Variants in MBNL2 observed in about 807,000 individuals in gnomAD.
MBNL2 encodes the protein muscleblind like splicing regulator 2.
A neutral mutation model predicts 41.9 loss-of-function variants in MBNL2; 17 were observed. The observed-to-expected ratio is 0.41, with a 90% CI of 0.28 to 0.61. The LOEUF is 0.61. Ranked by LOEUF, MBNL2 falls within the 20% of genes least tolerant of loss-of-function variation. The pLI, the probability that MBNL2 is intolerant of heterozygous loss-of-function variation, is 0.35. For missense variants in MBNL2, 336 were observed against 505.6 expected, an observed-to-expected ratio of 0.66 and a Z score of 3.22; for synonymous variants, 195 against 182.9, an observed-to-expected ratio of 1.07 and a Z score of -0.53.
At chr13:97,294,485 C>T (rs774162188) in intron 2 of MBNL2, among the ~76,000 whole-genome samples, 20 of 152,318 alleles carry the variant, frequency 1.3e-4, no homozygotes, top group Non-Finnish European at 2.2e-4. Context: ...GAGAGCATTA[C>T]GGGCTAGGTA....
the MBNL2 span, among the ~76,000 whole-genome samples, chr13:97,206,507 T>C: frequency 1.3e-5 from 2 of 152,158 alleles, no homozygotes; most frequent in East Asian, 3.8e-4. Context: ...ATTGTCATAA[T>C]AAAAACAATT....
intron 2 of MBNL2, among the ~76,000 whole-genome samples, chr13:97,308,106 C>T (rs2058284505): frequency 6.6e-6 from 1 of 152,194 alleles, no homozygotes; most frequent in East Asian, 1.9e-4. Flanking sequence ...AAATGTCATG[C>T]AAAGAACCAC....
chr13:97,294,227 A>G (rs1185570781), intron 2 of MBNL2, among the ~76,000 whole-genome samples: 2 of 151,734 alleles, frequency 1.3e-5, no homozygotes, highest in Non-Finnish European at 2.9e-5. Context: ...TTTTTCTCCT[A>G]CTGTTTCCAA....
intron 2 of MBNL2, among the ~76,000 whole-genome samples, chr13:97,276,795 A>G (rs1244024618): frequency 1.3e-5 from 2 of 151,850 alleles, no homozygotes; most frequent in Non-Finnish European, 2.9e-5. Flanking sequence ...TTAGCTCTTG[A>G]AGAGTTTTCT....
chr13:97,239,921 A>G (rs1190173148), intron 1 of MBNL2, among the ~76,000 whole-genome samples: 1 of 152,220 alleles, frequency 6.6e-6, no homozygotes, highest in Non-Finnish European at 1.5e-5. Context: ...AGCCACTGGT[A>G]CAAGGTTGTA....
At chr13:97,155,560 C>T in the MBNL2 span, among the ~76,000 whole-genome samples, 1 of 147,878 alleles carries the variant, frequency 6.8e-6, no homozygotes, top group Non-Finnish European at 1.5e-5. Context: ...CCACACCCCA[C>T]AACAGTCCCC....
At chr13:97,200,309 C>A in the MBNL2 span, among the ~76,000 whole-genome samples, 1 of 152,280 alleles carries the variant, frequency 6.6e-6, no homozygotes, top group East Asian at 1.9e-4. Context: ...CCTCATCATG[C>A]ACAATCCACC....
rs1555310227 is a variant in MBNL2, at chr13:97,287,941, T to TTTG, written c.174+11534_174+11535insGTT. On this transcript the variant is annotated intron_variant, in intron 2 of 8. Transcript: ENST00000679496. ...CTGTTTTTTTTTTGTTTTGTTTTGT[T>TTTG]TTTTTTTTTTTTAGTAGAGATGGGG... 5.6e-4 allele frequency among the ~76,000 whole-genome samples: 81 copies of TTTG among 143,738 alleles called. 1 individual carries two copies. Among genetic ancestry groups the TTTG allele is most frequent in the African/African-American group, 2.0e-3 (76 of 38,810 alleles). The allele number at this position is 143,738 out of a possible 152,430, so 94.3% of individuals were successfully genotyped here. A position where few individuals can be genotyped will look rare whatever the true frequency, so the allele number is the denominator to read the frequency against.
intron 2 of MBNL2, among the ~76,000 whole-genome samples, chr13:97,318,840 G>A (rs950911669): frequency 1.2e-4 from 18 of 152,350 alleles, no homozygotes; most frequent in African/African-American, 4.3e-4. Flanking sequence ...TCTGAAGTTA[G>A]TTCTGCCCAC....
intron 1 of MBNL2, among the ~76,000 whole-genome samples, chr13:97,226,379 G>A (rs1257894944): frequency 6.6e-6 from 1 of 152,134 alleles, no homozygotes. Context: ...AATTATACTA[G>A]GTAGTATATT....
intron 2 of MBNL2, among the ~76,000 whole-genome samples, chr13:97,283,159 C>A (rs1412069922): frequency 6.6e-6 from 1 of 152,216 alleles, no homozygotes; most frequent in Non-Finnish European, 1.5e-5. Context: ...TCTAATGCCA[C>A]CTCTTCCTCC....
chr13:97,253,890 A>C (rs910845586), intron 1 of MBNL2, among the ~76,000 whole-genome samples: 3 of 151,790 alleles, frequency 2.0e-5, no homozygotes, highest in African/African-American at 7.3e-5. Context: ...GGAATTTTCA[A>C]TACAATTTTT....
chr13:97,248,240 G>C (rs2045864485), intron 1 of MBNL2, among the ~76,000 whole-genome samples: 1 of 152,186 alleles, frequency 6.6e-6, no homozygotes, highest in Non-Finnish European at 1.5e-5. Context: ...TCCTGCCTCA[G>C]CCTCCCAAGT....
At chr13:97,386,434 C>T (rs771986856) in intron 8 of MBNL2, among the ~76,000 whole-genome samples, 2 of 152,178 alleles carry the variant, frequency 1.3e-5, no homozygotes, top group Admixed American at 6.5e-5. Context: ...CCCATGTTTC[C>T]GCAGGTAGCA....
chr13:97,172,160 C>A, the MBNL2 span, among the ~76,000 whole-genome samples: 2 of 152,096 alleles, frequency 1.3e-5, no homozygotes, highest in African/African-American at 2.4e-5. Context: ...GGATCACGGG[C>A]AGTGGAGCAG....
At chr13:97,181,983 T>C in the MBNL2 span, among the ~76,000 whole-genome samples, 1 of 152,206 alleles carries the variant, frequency 6.6e-6, no homozygotes, top group African/African-American at 2.4e-5. Flanking sequence ...AACCTGGTTA[T>C]TTTAGGCTCA....
intron 2 of MBNL2, among the ~76,000 whole-genome samples, chr13:97,278,301 C>T (rs1330259830): frequency 2.3e-5 from 3 of 129,712 alleles, no homozygotes; most frequent in Admixed American, 7.7e-5. Context: ...AAAACTAGAT[C>T]ATAAAAGCTT....
At chr13:97,384,040 C>T (rs1420655824) in intron 8 of MBNL2, among the ~76,000 whole-genome samples, 1 of 151,920 alleles carries the variant, frequency 6.6e-6, no homozygotes, top group Non-Finnish European at 1.5e-5. Flanking sequence ...GCTGGGATTA[C>T]AGGCGTGCAC....
chr13:97,290,751 A>C (rs996687982), intron 2 of MBNL2, among the ~76,000 whole-genome samples: 2 of 151,918 alleles, frequency 1.3e-5, no homozygotes, highest in Non-Finnish European at 2.9e-5. Flanking sequence ...TTTACCTACT[A>C]TGAGAATTAC....
Sources: allele counts gnomAD v4.1 joint callset (sites outside exome capture counted in the v4.1 genomes callset), GRCh38; gene constraint gnomAD v4.1.1; transcripts MANE v1.5; gene names NCBI Gene and HGNC (gene_info 2026-07-23, HGNC 2026-07-21).